DENND1A: variants seen among roughly 807,000 people sequenced by gnomAD.
The protein encoded by DENND1A is DENN domain-containing protein 1A.
DENND1A carries 51 observed loss-of-function variants against 113.7 expected under a neutral mutation model. The observed-to-expected ratio is 0.45, with a 90% CI of 0.36 to 0.57. DENND1A has a LOEUF of 0.57. Ranked by LOEUF, DENND1A falls within the 20% of genes least tolerant of loss-of-function variation. DENND1A has a pLI of 0.00. For synonymous variants in DENND1A, 565 were observed against 570.8 expected (o/e 0.99, Z 0.14); for missense variants, 1,258 against 1,395.9 (o/e 0.90, Z 1.57).
At chr9:123,651,572 A>T (rs553015309) in intron 9 of DENND1A, among the ~76,000 whole-genome samples, 1 of 152,268 alleles carries the variant, frequency 6.6e-6, no homozygotes, top group East Asian at 1.9e-4. Context: ...CTAGTGTCCC[A>T]CTCCTTAGAA....
intron 5 of DENND1A, among the ~76,000 whole-genome samples, chr9:123,733,276 C>T (rs890866508): frequency 4.0e-5 from 6 of 149,290 alleles, no homozygotes; most frequent in Non-Finnish European, 5.9e-5. Context: ...CCACCGCACC[C>T]GGCCAGTTTG....
intron 11 of DENND1A, among the ~76,000 whole-genome samples, chr9:123,591,656 GCA>G (rs1464798255): frequency 3.3e-5 from 5 of 152,212 alleles, no homozygotes; most frequent in African/African-American, 1.2e-4. Context: ...CCAGTGTCCA[GCA>G]CAGTGCCTGA....
rs544189872 is a variant in DENND1A, at chr9:123,506,862, C to A, written c.994-48965G>T. ...TAAACACATATTCAAGCTTCAGAAC[C>A]CAGAGATGGCTCAAAATTTCCTTAT... On this transcript the variant is annotated intron_variant, in intron 13 of 23. Coordinates refer to ENST00000394215, the MANE Select transcript of DENND1A (RefSeq NM_001352964.2). 3.7e-4 allele frequency among the ~76,000 whole-genome samples: 56 copies of A among 152,204 alleles called. 2 individuals carry two copies. In the South Asian group the frequency reaches 0.011, roughly 30 times the overall value.
At chr9:123,558,685 G>A (rs2057565227) in intron 12 of DENND1A, among the ~76,000 whole-genome samples, 1 of 152,190 alleles carries the variant, frequency 6.6e-6, no homozygotes, top group Non-Finnish European at 1.5e-5. Flanking sequence ...AGGAAAGACT[G>A]TGTGACATGG....
rs114998106 is a variant in DENND1A at position 123,629,016 on chromosome 9, A to G, written c.719+1360T>C. On this transcript the variant is annotated intron_variant, in intron 10 of 23. Transcript: ENST00000394215. The stretch of plus-strand genomic sequence containing the variant: ...CCTGAGTTATGTCCTTGTTATCTCC[A>G]TGGCCTCTTGGGAAGAGGGTGAGCC... Among the ~76,000 whole-genome samples, 273 of 152,342 alleles carry G rather than the reference A, an allele frequency of 1.8e-3. 3 individuals carry two copies. The highest frequency in any genetic ancestry group is 6.4e-3 in the African/African-American group (266 of 41,584).
intron 5 of DENND1A, among the ~76,000 whole-genome samples, chr9:123,733,650 G>A (rs890818629): frequency 6.7e-6 from 1 of 149,410 alleles, no homozygotes; most frequent in East Asian, 2.0e-4. Context: ...ACTTTTTATA[G>A]AATCATATTC....
At chr9:123,533,605 C>G (rs1023889160) in intron 13 of DENND1A, among the ~76,000 whole-genome samples, 16 of 152,202 alleles carry the variant, frequency 1.1e-4, no homozygotes, top group African/African-American at 3.6e-4. Flanking sequence ...GCACTGCGAA[C>G]TGGAGGGAGA....
intron 4 of DENND1A, among the ~76,000 whole-genome samples, chr9:123,767,605 T>G (rs991239237): frequency 2.0e-5 from 3 of 152,178 alleles, no homozygotes; most frequent in African/African-American, 7.2e-5. Flanking sequence ...TAAGTAGAAG[T>G]GTGTGTATGG....
chr9:123,401,861 G>C, intron 21 of DENND1A: 1 of 1,614,150 alleles, frequency 6.2e-7, no homozygotes, highest in Non-Finnish European at 8.5e-7. Context: ...CCGCAAAATG[G>C]GTAATGCTTT....
At chr9:123,738,236 A>G (rs1026478314) in intron 5 of DENND1A, among the ~76,000 whole-genome samples, 5 of 152,224 alleles carry the variant, frequency 3.3e-5, no homozygotes, top group African/African-American at 9.6e-5. Context: ...TTATGACTCT[A>G]AACAATTGTT....
chr9:123,544,379 G>A (rs2056505135), intron 13 of DENND1A, among the ~76,000 whole-genome samples: 1 of 152,188 alleles, frequency 6.6e-6, no homozygotes, highest in Non-Finnish European at 1.5e-5. Context: ...AGTTTATAAA[G>A]GTTGTTAGTT....
At chr9:123,557,467 T>C (rs2057484960) in intron 13 of DENND1A, 103 bp downstream of exon 13, 1 of 1,522,676 alleles carries the variant, frequency 6.6e-7, no homozygotes, top group Non-Finnish European at 8.9e-7. Context: ...CTCTTCTAGA[T>C]GAATCTGGAA....
chr9:123,433,450 T>C (rs2046290410), intron 19 of DENND1A, among the ~76,000 whole-genome samples: 1 of 152,232 alleles, frequency 6.6e-6, no homozygotes, highest in Admixed American at 6.5e-5. Context: ...GTGTACATGA[T>C]GTGTAATGTT....
chr9:123,669,509 C>T (rs1003588703), intron 7 of DENND1A, among the ~76,000 whole-genome samples: 2 of 152,196 alleles, frequency 1.3e-5, no homozygotes, highest in African/African-American at 4.8e-5. Context: ...CCAGCAGTTC[C>T]TGCTGCCCCT....
At chr9:123,452,642 T>C (rs1027291234) in intron 16 of DENND1A, among the ~76,000 whole-genome samples, 13 of 152,048 alleles carry the variant, frequency 8.5e-5, no homozygotes, top group Admixed American at 7.2e-4. Context: ...TGGAGGGAAC[T>C]GCATCACAGG....
chr9:123,476,888 G>A (rs918857202), intron 13 of DENND1A, among the ~76,000 whole-genome samples: 2 of 152,172 alleles, frequency 1.3e-5, no homozygotes, highest in South Asian at 2.1e-4. Flanking sequence ...GCTTGGTTCC[G>A]TGCCTGACCC....
intron 8 of DENND1A, among the ~76,000 whole-genome samples, chr9:123,661,328 C>T (rs770544666): frequency 6.6e-6 from 1 of 152,116 alleles, no homozygotes; most frequent in Non-Finnish European, 1.5e-5. Context: ...CTGGTGACAC[C>T]AGGTACAGTT....
intron 10 of DENND1A, among the ~76,000 whole-genome samples, chr9:123,618,121 T>C (rs1368777316): frequency 6.6e-6 from 1 of 152,238 alleles, no homozygotes; most frequent in Non-Finnish European, 1.5e-5. Flanking sequence ...ATCACTATGC[T>C]GGTGCTGCAC....
chr9:123,463,355 A>G (rs2048687234), intron 13 of DENND1A, among the ~76,000 whole-genome samples: 1 of 152,226 alleles, frequency 6.6e-6, no homozygotes. Flanking sequence ...TTAACAGGTA[A>G]AATTGGTGAT....
Sources: gnomAD v4.1 joint callset for allele counts (sites outside exome capture counted in the v4.1 genomes callset) on GRCh38, gnomAD v4.1.1 for gene constraint, MANE v1.5 for transcripts, NCBI Gene and HGNC (gene_info 2026-07-23, HGNC 2026-07-21) for gene names.